The following ADARB2 variants were observed in gnomAD, a reference collection of about 807,000 sequenced individuals.
ADARB2 encodes the protein inactive double-stranded RNA-specific editase B2.
In ADARB2, 25 loss-of-function variants were observed where a neutral mutation model predicts 62.2. That is an observed-to-expected ratio of 0.40 (90% CI 0.29 to 0.56). The LOEUF (loss-of-function observed/expected upper bound fraction) is 0.56, where lower values mean the gene tolerates loss of function less well. Ranked by LOEUF, ADARB2 falls within the 20% of genes least tolerant of loss-of-function variation. The pLI, the probability that ADARB2 is intolerant of heterozygous loss-of-function variation, is 0.43. For missense variants in ADARB2, 1,071 were observed against 1,077.4 expected (o/e 0.99, Z 0.08); for synonymous variants, 572 against 500.8 (o/e 1.14, Z -1.90).
intron 1 of ADARB2, among the ~76,000 whole-genome samples, chr10:1,527,367 A>G (rs1832161556): frequency 6.6e-6 from 1 of 152,228 alleles, no homozygotes; most frequent in Admixed American, 6.5e-5. Flanking sequence ...TCCTATGCCT[A>G]GGATTCTGTT....
chr10:1,290,860 A>G (rs1831459808), intron 3 of ADARB2: 1 of 152,244 alleles, frequency 6.6e-6, no homozygotes, highest in African/African-American at 2.4e-5. Flanking sequence ...CATTGGGAAG[A>G]TGCATATTTC....
Position 1,425,574 on chromosome 10 carries a change from G to A in ADARB2, c.101-46414C>T, listed in dbSNP as rs190710115. 3.5e-4 allele frequency among the ~76,000 whole-genome samples: 54 copies of A among 152,320 alleles called. 1 individual carries two copies. The East Asian group carries it at 9.1e-3, about 26-fold the overall frequency. Reference sequence around the variant, plus strand: ...ACTGGGCAGGTCTCTGTGGAGCACCGCGGTGTGGGAGCCTGGGCTCGCTCA... The same window carrying A: ...ACTGGGCAGGTCTCTGTGGAGCACCACGGTGTGGGAGCCTGGGCTCGCTCA... On this transcript the variant is annotated intron_variant, in intron 1 of 9. Transcript: ENST00000381312.
chr10:1,345,085 CCG>C (rs1483951597), intron 3 of ADARB2, among the ~76,000 whole-genome samples: 3 of 152,020 alleles, frequency 2.0e-5, no homozygotes, highest in Non-Finnish European at 4.4e-5. Flanking sequence ...GAGGGAACCG[CCG>C]CAGCCTCGGG....
intron 1 of ADARB2, among the ~76,000 whole-genome samples, chr10:1,503,797 G>T (rs969947807): frequency 6.6e-6 from 1 of 151,880 alleles, no homozygotes; most frequent in Non-Finnish European, 1.5e-5. Context: ...CCCTGCCCAC[G>T]CCCCGCCCCC....
chr10:1,637,870 T>C (rs1833934591), intron 1 of ADARB2, among the ~76,000 whole-genome samples: 2 of 152,224 alleles, frequency 1.3e-5, no homozygotes, highest in African/African-American at 4.8e-5. Flanking sequence ...GACACTAGTA[T>C]CAGGGGTGCT....
rs1189076172 is a variant in ADARB2, at chr10:1,409,894, A to G, written c.101-30734T>C. On this transcript the variant is annotated intron_variant, in intron 1 of 9. Coordinates refer to ENST00000381312, the MANE Select transcript of ADARB2 (RefSeq NM_018702.4). ...TGAGGCCTGGCTGTGGTCATAGGGA[A>G]GGATTCTCAGTGGTGCCGAGGCCTG... 4.0e-5 allele frequency among the ~76,000 whole-genome samples: 4 copies of G among 99,546 alleles called. 1 individual carries two copies. The Admixed American group carries it at 4.1e-4, about 10-fold the overall frequency. The allele number at this position is 99,546 out of a possible 152,430, so 65.3% of individuals were successfully genotyped here.
intron 4 of ADARB2, among the ~76,000 whole-genome samples, chr10:1,252,365 G>T (rs1831044614): frequency 6.6e-6 from 1 of 152,214 alleles, no homozygotes; most frequent in African/African-American, 2.4e-5. Context: ...TCCTAGAACT[G>T]TGCCCACTGA....
chr10:1,198,569 A>G (rs1302789430), intron 8 of ADARB2, among the ~76,000 whole-genome samples: 1 of 152,248 alleles, frequency 6.6e-6, no homozygotes, highest in South Asian at 2.1e-4. Flanking sequence ...CAGATTCCCA[A>G]TAAGCATGTA....
intron 1 of ADARB2, among the ~76,000 whole-genome samples, chr10:1,585,973 G>T (rs899824003): frequency 1.4e-4 from 22 of 152,162 alleles, no homozygotes; most frequent in Admixed American, 1.3e-3. Context: ...GGCGGAGCTT[G>T]CAGTGAGCCA....
intron 1 of ADARB2, among the ~76,000 whole-genome samples, chr10:1,479,533 G>T (rs1224561766): frequency 6.6e-6 from 1 of 152,132 alleles, no homozygotes; most frequent in Non-Finnish European, 1.5e-5. Flanking sequence ...TTTCTGAGAG[G>T]AACCCAGGAC....
intron 1 of ADARB2, among the ~76,000 whole-genome samples, chr10:1,532,379 T>C (rs942143730): frequency 2.0e-5 from 3 of 152,190 alleles, no homozygotes; most frequent in African/African-American, 4.8e-5. Context: ...CTTTCCCCCG[T>C]GATCTCCCGC....
intron 1 of ADARB2, among the ~76,000 whole-genome samples, chr10:1,433,883 C>T (rs567163917): frequency 3.7e-4 from 56 of 152,192 alleles, no homozygotes; most frequent in Non-Finnish European, 5.4e-4. Flanking sequence ...TCAAAGTTTC[C>T]GCTAAGATAC....
Position 1,627,134 on chromosome 10 carries a change from C to T in ADARB2, c.100+109917G>A, listed in dbSNP as rs1380910723. On this transcript the variant is annotated intron_variant, in intron 1 of 9. Coordinates refer to ENST00000381312, the MANE Select transcript of ADARB2 (RefSeq NM_018702.4). ...ACTGGAGCCGGGCCCTCGGGTGAAT[C>T]GTTAGCTCCTCGAGCACCGAGACTG... 5.9e-5 allele frequency among the ~76,000 whole-genome samples: 9 copies of T among 152,242 alleles called. No individual in the cohort carries two copies. The East Asian group carries it at 9.7e-4, about 16-fold the overall frequency.
At chr10:1,247,766 T>C (rs996765797) in intron 4 of ADARB2, among the ~76,000 whole-genome samples, 2 of 152,210 alleles carry the variant, frequency 1.3e-5, no homozygotes, top group African/African-American at 4.8e-5. Flanking sequence ...GCTGCCACCA[T>C]GGCGGGACCA....
At chr10:1,286,323 C>T (rs1005169362) in intron 3 of ADARB2, among the ~76,000 whole-genome samples, 3 of 152,172 alleles carry the variant, frequency 2.0e-5, no homozygotes, top group East Asian at 1.9e-4. Context: ...CCCTGACTTC[C>T]ATCTTCATAT....
Position 1,184,762 on chromosome 10 carries a change from C to A in ADARB2, c.2043+99G>T, listed in dbSNP as rs979278013. On this transcript the variant is annotated intron_variant, in intron 9 of 9. Transcript: ENST00000381312. ...TGGGCGCTGTGTCGTGCATCTCCCT[C>A]CCTGCAGACCAAGTGTTGGCCTCTC... 9 of 1,351,676 alleles carry A rather than the reference C, an allele frequency of 6.7e-6. No homozygotes were observed. In the African/African-American group the frequency reaches 1.3e-4, roughly 20 times the overall value. 83.7% of individuals were successfully genotyped at this position (1,351,676 alleles called of 1,614,324 possible).
At chr10:1,595,685 T>C (rs753969496) in intron 1 of ADARB2, among the ~76,000 whole-genome samples, 1 of 152,144 alleles carries the variant, frequency 6.6e-6, no homozygotes, top group East Asian at 1.9e-4. Flanking sequence ...CAGAGAGAAG[T>C]ATTCTGCATG....
At chr10:1,381,236 C>A (rs1832480350) in intron 1 of ADARB2, among the ~76,000 whole-genome samples, 1 of 152,152 alleles carries the variant, frequency 6.6e-6, no homozygotes, top group East Asian at 1.9e-4. Flanking sequence ...GTCTGAAATT[C>A]AGTGGAAGGC....
chr10:1,736,922 G>A (rs369215135), intron 1 of ADARB2, 129 bp downstream of exon 1: 3 of 902,342 alleles, frequency 3.3e-6, no homozygotes, highest in East Asian at 2.6e-5. Context: ...CCTGCACGGA[G>A]CAGCCATCCC....
Sources: gnomAD v4.1 joint callset for allele counts (sites outside exome capture counted in the v4.1 genomes callset) on GRCh38, gnomAD v4.1.1 for gene constraint, MANE v1.5 for transcripts, NCBI Gene and HGNC (gene_info 2026-07-23, HGNC 2026-07-21) for gene names.